The following AHR variants were observed in gnomAD, a reference collection of about 807,000 sequenced individuals.
AHR encodes the protein aryl hydrocarbon receptor.
AHR carries 40 observed loss-of-function variants against 86.8 expected under a neutral mutation model. The observed-to-expected ratio is 0.46, with a 90% CI of 0.36 to 0.60. The LOEUF (loss-of-function observed/expected upper bound fraction) is 0.60, where lower values mean the gene tolerates loss of function less well. Ranked by LOEUF, AHR falls within the 20% of genes least tolerant of loss-of-function variation. The probability of loss-of-function intolerance (pLI) is 0.00; values close to 1 mark genes in which losing one functional copy is unlikely to be tolerated. For missense variants in AHR, 1,001 were observed against 1,011.6 expected (o/e 0.99, Z 0.14); for synonymous variants, 398 against 354.9 (o/e 1.12, Z -1.37).
chr7:17,339,416 T>C lies in AHR; in HGVS notation c.1591T>C (p.Phe531Leu), dbSNP rs767829493. The change falls in exon 10 of 11, where the codon TTT becomes CTT. Residue 531 changes from phenylalanine to leucine, a missense_variant. Transcript: ENST00000242057. ...NSFAGGHPGLFQDSKNSDLYS... is the reference protein window; with the variant it reads ...NSFAGGHPGLLQDSKNSDLYS... ...ATTTGCTGGAGGTCACCCAGGGCTC[T>C]TTCAAGATAGTAAAAACAGTGACTT... 6.2e-7 allele frequency: 1 copy of C among 1,614,206 alleles called. No individual in the cohort carries two copies. Among genetic ancestry groups the C allele is most frequent in the Non-Finnish European group, 8.5e-7 (1 of 1,180,038 alleles).
Position 17,311,767 on chromosome 7 carries a change from A to G in AHR, c.253+1644A>G, listed in dbSNP as rs562474199. 2.6e-5 allele frequency among the ~76,000 whole-genome samples: 4 copies of G among 152,340 alleles called. No individual in the cohort carries two copies. In the South Asian group the frequency reaches 8.3e-4, roughly 32 times the overall value. ...TTGGGAGAAGAGTTACGCAGTATTC[A>G]GTGATGGTCTGTAAGTATGTGTGTA... On this transcript the variant is annotated intron_variant, in intron 2 of 10. Coordinates refer to ENST00000242057, the MANE Select transcript of AHR (RefSeq NM_001621.5).
intron 1 of AHR, 117 bp from the exon 2 acceptor site, chr7:17,309,819 G>A: frequency 1.1e-6 from 1 of 874,326 alleles, no homozygotes; most frequent in South Asian, 2.9e-5. Context: ...TAAACTTTAA[G>A]TAGACTTTAA....
chr7:17,308,449 T>C (rs749594039), intron 1 of AHR, among the ~76,000 whole-genome samples: 2 of 152,158 alleles, frequency 1.3e-5, no homozygotes, highest in Non-Finnish European at 2.9e-5. Flanking sequence ...ATGTGATGGA[T>C]ATAAATAAAT....
intron 2 of AHR, among the ~76,000 whole-genome samples, chr7:17,318,683 A>G (rs1164300472): frequency 6.6e-6 from 1 of 152,126 alleles, no homozygotes; most frequent in Non-Finnish European, 1.5e-5. Flanking sequence ...GTGGACTGTC[A>G]TAAATTTAAT....
At chr7:17,327,902 T>C in intron 4 of AHR, 54 bp downstream of exon 4, 1 of 783,156 alleles carries the variant, frequency 1.3e-6, no homozygotes, top group Non-Finnish European at 1.7e-6. Flanking sequence ...ACTTTTTATA[T>C]ATATTTAGGA....
chr7:17,307,186 T>C (rs955230872), intron 1 of AHR, among the ~76,000 whole-genome samples: 2 of 152,086 alleles, frequency 1.3e-5, no homozygotes, highest in Non-Finnish European at 2.9e-5. Flanking sequence ...TTACTATTAG[T>C]TCTCCCTGTG....
intron 2 of AHR, among the ~76,000 whole-genome samples, chr7:17,311,304 G>C (rs73301745): frequency 6.6e-6 from 1 of 151,858 alleles, no homozygotes; most frequent in African/African-American, 2.4e-5. Context: ...AATCACATAG[G>C]GATCTTGTTA....
chr7:17,323,303 A>C (rs1782193689), intron 3 of AHR, among the ~76,000 whole-genome samples: 1 of 152,206 alleles, frequency 6.6e-6, no homozygotes, highest in South Asian at 2.1e-4. Context: ...TTCTTAACCC[A>C]AATTTCATTT....
Position 17,329,976 on chromosome 7 carries a change from T to C in AHR, c.475T>C (p.Tyr159His). The change falls in exon 5 of 11, where the codon TAT becomes CAT. Residue 159 changes from tyrosine to histidine, a missense_variant. By Grantham distance (83) the Tyr-to-His change is moderately conservative. Coordinates refer to ENST00000242057, the MANE Select transcript of AHR (RefSeq NM_001621.5). ...GTCTGATGTCATACATCAGAGTGTA[T>C]ATGAACTTATCCATACCGAAGACCG... ...QQSDVIHQSV[Y>H]ELIHTEDRAE... 2 of 1,610,782 alleles carry C rather than the reference T, an allele frequency of 1.2e-6. No individual in the cohort carries two copies. The highest frequency in any genetic ancestry group is 1.7e-4 in the Middle Eastern group (1 of 6,038).
Position 17,344,211 on chromosome 7 carries a change from G to C in AHR, c.*1147G>C, listed in dbSNP as rs1170972028. 1 of 152,704 alleles carries C rather than the reference G, an allele frequency of 6.5e-6. No homozygotes were observed. The highest frequency in any genetic ancestry group is 1.5e-5 in the Non-Finnish European group (1 of 68,016). 9.5% of individuals were successfully genotyped at this position (152,704 alleles called of 1,614,324 possible). On this transcript the variant is annotated 3_prime_UTR_variant, in exon 11 of 11. Transcript: ENST00000242057. The stretch of plus-strand genomic sequence containing the variant: ...TTGACTTTATAAATTTCGCTTCTTA[G>C]AACAGTGGAAACTATGTGTTTTTCT...
In AHR at chr7:17,321,361, A is replaced by T. The variant is rs548904573; in HGVS notation, c.254-1140A>T. Among the ~76,000 whole-genome samples, 415 of 149,352 alleles carry T rather than the reference A, an allele frequency of 2.8e-3. 2 individuals carry two copies. Among genetic ancestry groups the T allele is most frequent in the African/African-American group, 8.8e-3 (361 of 40,922 alleles). ...ACAGCCCTGCAAGATGTGCTTTAAA[A>T]TTTTTTTTTTTAATTACCACCTCAC... is the stretch of plus-strand genomic sequence containing the variant. On this transcript the variant is annotated intron_variant, in intron 2 of 10. Transcript: ENST00000242057.
intron 3 of AHR, among the ~76,000 whole-genome samples, chr7:17,324,451 T>G (rs1782206590): frequency 6.6e-6 from 1 of 152,114 alleles, no homozygotes; most frequent in African/African-American, 2.4e-5. Context: ...GCCTAAAACT[T>G]TTGAGGAGAA....
At chr7:17,332,621 AAG>A (rs1395724941) in intron 6 of AHR, among the ~76,000 whole-genome samples, 1 of 152,020 alleles carries the variant, frequency 6.6e-6, no homozygotes. Context: ...GATATAAAGA[AAG>A]AAAATGTTTT....
At position 17,310,047 on chromosome 7, in the gene AHR, T is replaced by C; in HGVS notation, c.177T>C (p.Asp59=). The part of the protein sequence containing the change: ...RLASLLPFPQ[D]VINKLDKLSV... ...CTAGCCTGCTGCCTTTCCCACAAGATGTTATTAATAAGTTGGACAAACTTT... is the reference window on the plus strand; with the variant it reads ...CTAGCCTGCTGCCTTTCCCACAAGACGTTATTAATAAGTTGGACAAACTTT... The change falls in exon 2 of 11, where the codon GAT becomes GAC. Residue 59 remains aspartate, a synonymous_variant. Coordinates refer to ENST00000242057, the MANE Select transcript of AHR (RefSeq NM_001621.5). The C allele has an allele frequency of 1.2e-6, 2 of 1,614,100 alleles. No homozygotes were observed. Among genetic ancestry groups the C allele is most frequent in the African/African-American group, 1.3e-5 (1 of 75,058 alleles).
chr7:17,313,743 C>T (rs1475871615), intron 2 of AHR, among the ~76,000 whole-genome samples: 1 of 152,074 alleles, frequency 6.6e-6, no homozygotes, highest in Non-Finnish European at 1.5e-5. Flanking sequence ...TTAAGCATTA[C>T]ATTTAAATAT....
intron 2 of AHR, among the ~76,000 whole-genome samples, chr7:17,318,719 C>T (rs1210105167): frequency 6.6e-6 from 1 of 151,982 alleles, no homozygotes; most frequent in Middle Eastern, 3.2e-3. Flanking sequence ...TTTAAAGTGT[C>T]GTTATGCATA....
At chr7:17,340,373 C>CA in intron 10 of AHR, 145 bp downstream of exon 10, 3 of 905,628 alleles carry the variant, frequency 3.3e-6, no homozygotes, top group Non-Finnish European at 3.0e-6. Flanking sequence ...CTGTGACTAC[C>CA]TTTTTTTTTT....
rs1290881320 is a variant in AHR at position 17,345,364 on chromosome 7, A to G, written c.*2300A>G. The G allele has an allele frequency of 6.6e-6, 1 of 152,542 alleles. No homozygotes were observed. Among genetic ancestry groups the G allele is most frequent in the Non-Finnish European group, 1.5e-5 (1 of 68,000 alleles). 9.4% of individuals were successfully genotyped at this position (152,542 alleles called of 1,614,324 possible). The stretch of plus-strand genomic sequence containing the variant: ...TTCTTTTACTTTTTTTAGTAAGTTA[A>G]TGTATATAAAAATGGCTTCGGACAA... On this transcript the variant is annotated 3_prime_UTR_variant, in exon 11 of 11. Transcript: ENST00000242057.
chr7:17,299,378 C>G (rs761495185), intron 1 of AHR, 49 bp downstream of exon 1: 2 of 1,597,168 alleles, frequency 1.3e-6, no homozygotes, highest in African/African-American at 2.7e-5. Flanking sequence ...CGCTCAGGCA[C>G]GCGGGTGCGG....
Sources: allele counts gnomAD v4.1 joint callset (sites outside exome capture counted in the v4.1 genomes callset), GRCh38; gene constraint gnomAD v4.1.1; transcripts MANE v1.5; gene names NCBI Gene and HGNC (gene_info 2026-07-23, HGNC 2026-07-21).